Variants in CAB39 observed in about 807,000 individuals in gnomAD.
CAB39 encodes calcium-binding protein 39.
A neutral mutation model predicts 40.0 loss-of-function variants in CAB39; 8 were observed. The observed-to-expected ratio is 0.20, with a 90% CI of 0.12 to 0.36. The LOEUF is 0.36. CAB39 is among the 10% of genes least tolerant of loss of function. The pLI, the probability that CAB39 is intolerant of heterozygous loss-of-function variation, is 1.00. For synonymous variants in CAB39, 156 were observed against 141.6 expected (o/e 1.10, Z -0.72); for missense variants, 270 against 401.1 (o/e 0.67, Z 2.79).
chr2:230,789,706 T>C (rs1416593528), intron 2 of CAB39, among the ~76,000 whole-genome samples: 1 of 152,216 alleles, frequency 6.6e-6, no homozygotes, highest in Non-Finnish European at 1.5e-5. Flanking sequence ...TGCCATGCTC[T>C]TTCTGGGCAG....
At chr2:230,752,275 G>A (rs1338050666) in intron 1 of CAB39, 1 of 151,860 alleles carries the variant, frequency 6.6e-6, no homozygotes, top group African/African-American at 2.4e-5. Context: ...TCAATGGTCA[G>A]TAAATGTCCC....
At chr2:230,788,738 T>G (rs1695840863) in intron 2 of CAB39, among the ~76,000 whole-genome samples, 1 of 152,254 alleles carries the variant, frequency 6.6e-6, no homozygotes, top group South Asian at 2.1e-4. Flanking sequence ...CTCCACTATC[T>G]TTTGACTTGC....
At chr2:230,811,095 G>T (rs1475296956) in intron 6 of CAB39, among the ~76,000 whole-genome samples, 2 of 152,174 alleles carry the variant, frequency 1.3e-5, no homozygotes, top group East Asian at 3.9e-4. Context: ...CGAAGATTCT[G>T]ATAGGTACCC....
At chr2:230,743,232 T>A (rs969395519) in intron 1 of CAB39, among the ~76,000 whole-genome samples, 5 of 152,122 alleles carry the variant, frequency 3.3e-5, no homozygotes, top group Admixed American at 6.5e-5. Flanking sequence ...CTATATGACT[T>A]CCACAGACAA....
chr2:230,751,182 G>A (rs1695079125), intron 1 of CAB39, among the ~76,000 whole-genome samples: 1 of 152,200 alleles, frequency 6.6e-6, no homozygotes, highest in African/African-American at 2.4e-5. Context: ...GATGTGTGGG[G>A]TTTTTTCTTT....
chr2:230,775,802 T>C (rs1217335851), intron 2 of CAB39, among the ~76,000 whole-genome samples: 2 of 152,164 alleles, frequency 1.3e-5, no homozygotes, highest in Non-Finnish European at 2.9e-5. Context: ...TTAGTGCCTC[T>C]CTGTGTGGGC....
chr2:230,720,684 T>A (rs1308956169), intron 1 of CAB39, among the ~76,000 whole-genome samples: 1 of 152,166 alleles, frequency 6.6e-6, no homozygotes, highest in Non-Finnish European at 1.5e-5. Context: ...CCTCCCAAAG[T>A]GCTGGGGTTA....
chr2:230,768,791 C>A (rs1251632282), intron 2 of CAB39, among the ~76,000 whole-genome samples: 1 of 151,910 alleles, frequency 6.6e-6, no homozygotes, highest in Non-Finnish European at 1.5e-5. Flanking sequence ...AAAAAGAAAC[C>A]AGAATCATTA....
At chr2:230,718,650 G>A (rs767044698) in intron 1 of CAB39, among the ~76,000 whole-genome samples, 1 of 152,194 alleles carries the variant, frequency 6.6e-6, no homozygotes, top group Non-Finnish European at 1.5e-5. Context: ...TACATCTGAT[G>A]TGCTGCCGTG....
intron 1 of CAB39, among the ~76,000 whole-genome samples, chr2:230,723,228 C>G (rs892562086): frequency 7.2e-5 from 11 of 152,028 alleles, no homozygotes; most frequent in Admixed American, 3.3e-4. Context: ...TTTTATATTG[C>G]CATTGGGGGT....
intron 7 of CAB39, among the ~76,000 whole-genome samples, chr2:230,816,223 A>G (rs1286859219): frequency 1.3e-5 from 2 of 152,270 alleles, no homozygotes; most frequent in Non-Finnish European, 2.9e-5. Context: ...CAGTGAGCCA[A>G]GATTGTGCCA....
chr2:230,748,829 A>AT (rs1262628500), intron 1 of CAB39, among the ~76,000 whole-genome samples: 122 of 46,258 alleles, frequency 2.6e-3, no homozygotes, highest in East Asian at 4.9e-3. Context: ...AAAAAAAAAA[A>AT]AAATATATAT....
At chr2:230,766,127 A>G (rs1354992189) in intron 2 of CAB39, among the ~76,000 whole-genome samples, 1 of 152,234 alleles carries the variant, frequency 6.6e-6, no homozygotes, top group Non-Finnish European at 1.5e-5. Flanking sequence ...CAATGGAAAG[A>G]TGAAAATCCA....
chr2:230,754,402 CCCCTCCTTCTTCCCCTTT>C (rs1695150250), intron 1 of CAB39, among the ~76,000 whole-genome samples: 2 of 123,324 alleles, frequency 1.6e-5, no homozygotes, highest in Admixed American at 8.1e-5. Flanking sequence ...TCTTCCCCTT[CCCCTCCTTCTTCCCCTTT>C]CCCTCCTTCT....
intron 2 of CAB39, chr2:230,779,299 C>T (rs1242909501): frequency 1.3e-5 from 2 of 152,170 alleles, no homozygotes; most frequent in African/African-American, 4.8e-5. Context: ...TTTGGAGCCT[C>T]CACACTCCCA....
intron 5 of CAB39, among the ~76,000 whole-genome samples, chr2:230,800,789 G>C (rs965150324): frequency 6.6e-6 from 1 of 152,196 alleles, no homozygotes; most frequent in East Asian, 1.9e-4. Flanking sequence ...GTGGCTCAGA[G>C]GTGAGAGAGA....
At chr2:230,800,589 G>A (rs768038743) in intron 5 of CAB39, among the ~76,000 whole-genome samples, 18 of 152,318 alleles carry the variant, frequency 1.2e-4, no homozygotes, top group Admixed American at 8.5e-4. Flanking sequence ...CATGAAGGGC[G>A]GTGTAGCAGC....
At chr2:230,738,088 C>A (rs192841202) in intron 1 of CAB39, among the ~76,000 whole-genome samples, 1 of 152,266 alleles carries the variant, frequency 6.6e-6, no homozygotes, top group African/African-American at 2.4e-5. Flanking sequence ...CATTTTCTGA[C>A]CCTTATCCAA....
Position 230,805,930 on chromosome 2 carries a change from T to C in CAB39, c.568-4333T>C, listed in dbSNP as rs576270087. ...AATAAAAGGTGACAAGGCATACTTA[T>C]CAAATGTGTAGATGTTAGCCAGGAA... On this transcript the variant is annotated intron_variant, in intron 5 of 8. Coordinates refer to ENST00000258418, the MANE Select transcript of CAB39 (RefSeq NM_016289.4). Among the ~76,000 whole-genome samples, 11 of 152,254 alleles carry C rather than the reference T, an allele frequency of 7.2e-5. No homozygotes were observed. In the South Asian group the frequency reaches 1.9e-3, roughly 26 times the overall value.
Sources: allele counts gnomAD v4.1 joint callset (sites outside exome capture counted in the v4.1 genomes callset), GRCh38; gene constraint gnomAD v4.1.1; transcripts MANE v1.5; gene names NCBI Gene and HGNC (gene_info 2026-07-23, HGNC 2026-07-21).